Variants in ZRANB3 observed in about 807,000 individuals in gnomAD.
The protein encoded by ZRANB3 is DNA annealing helicase and endonuclease ZRANB3.
In ZRANB3, 125 loss-of-function variants were observed where a neutral mutation model predicts 133.8. That is an observed-to-expected ratio of 0.93 (90% confidence interval 0.81 to 1.08). ZRANB3 has a LOEUF of 1.08. Among genes scored for constraint, ZRANB3 ranks in the 50% least tolerant of loss-of-function variants. The probability of loss-of-function intolerance (pLI) is 0.00; values close to 1 mark genes in which losing one functional copy is unlikely to be tolerated. For synonymous variants in ZRANB3, 387 were observed against 432.7 expected, an observed-to-expected ratio of 0.89 and a Z score of 1.31; for missense variants, 1,229 against 1,275.5, an observed-to-expected ratio of 0.96 and a Z score of 0.56.
At chr2:135,440,491 G>A (rs1019656732) in intron 2 of ZRANB3, among the ~76,000 whole-genome samples, 1 of 152,142 alleles carries the variant, frequency 6.6e-6, no homozygotes, top group Non-Finnish European at 1.5e-5. Flanking sequence ...TGTGCAAGAA[G>A]GATGCTATAT....
chr2:135,358,396 T>C (rs949186121), intron 3 of ZRANB3, among the ~76,000 whole-genome samples: 3 of 152,224 alleles, frequency 2.0e-5, no homozygotes, highest in Non-Finnish European at 2.9e-5. Flanking sequence ...GTTTGACTTA[T>C]GTTGCTTAAG....
At chr2:135,445,160 T>C (rs997247495) in intron 2 of ZRANB3, among the ~76,000 whole-genome samples, 18 of 152,144 alleles carry the variant, frequency 1.2e-4, no homozygotes, top group Admixed American at 7.2e-4. Flanking sequence ...AAGGGAAAAA[T>C]AGGCCGGGCA....
chr2:135,444,690 A>G (rs911802691), intron 2 of ZRANB3, among the ~76,000 whole-genome samples: 1 of 152,242 alleles, frequency 6.6e-6, no homozygotes, highest in African/African-American at 2.4e-5. Context: ...ACAAAGAGGC[A>G]CAAACTTTTT....
rs1423287618 is a variant in ZRANB3, at chr2:135,489,228, T to C, written c.161+15101A>G. Among the ~76,000 whole-genome samples, 3 of 143,984 alleles carry C rather than the reference T, an allele frequency of 2.1e-5. No individual in the cohort carries two copies. The East Asian group carries it at 6.2e-4, about 30-fold the overall frequency. 94.5% of individuals were successfully genotyped at this position (143,984 alleles called of 152,430 possible). ...GAAGCAGATGAAAATTATAGTCAAA[T>C]ATGTTCTCACTCATAGGTGGGAACT... On this transcript the variant is annotated intron_variant, in intron 2 of 20. Coordinates refer to ENST00000264159, the MANE Select transcript of ZRANB3 (RefSeq NM_032143.4).
chr2:135,381,911 C>A (rs975765527), intron 3 of ZRANB3, among the ~76,000 whole-genome samples: 17 of 152,228 alleles, frequency 1.1e-4, no homozygotes, highest in African/African-American at 3.4e-4. Context: ...AGCAGAAAAA[C>A]TGAAAATTCT....
At chr2:135,348,676 C>G (rs1558934807) in intron 5 of ZRANB3, among the ~76,000 whole-genome samples, 1 of 152,106 alleles carries the variant, frequency 6.6e-6, no homozygotes, top group Non-Finnish European at 1.5e-5. Flanking sequence ...CTCACTGCAA[C>G]CTCTGCCTCC....
Position 135,275,741 on chromosome 2 carries a change from CT to C in ZRANB3, c.980del (p.Lys327ArgfsTer6). ...TCTGAAGCATCATCTTAATATAATCCTTTACAGCACCTGCCTAAATATTAAA... is the reference window on the plus strand; with the variant it reads ...TCTGAAGCATCATCTTAATATAATCCTTACAGCACCTGCCTAAATATTAAA... The part of the protein sequence containing the change: ...QTAIAKAGAV[K>X]DYIKMMLQND... On this transcript the variant is annotated frameshift_variant, in exon 9 of 21. Transcript: ENST00000264159. LOFTEE classifies it high-confidence loss of function. 1 of 1,575,556 alleles carries C rather than the reference CT, an allele frequency of 6.3e-7. No homozygotes were observed. Among genetic ancestry groups the C allele is most frequent in the Non-Finnish European group, 8.6e-7 (1 of 1,160,926 alleles).
At chr2:135,484,419 C>G (rs1691997305) in intron 2 of ZRANB3, among the ~76,000 whole-genome samples, 1 of 152,032 alleles carries the variant, frequency 6.6e-6, no homozygotes, top group East Asian at 1.9e-4. Flanking sequence ...CAACTGTATA[C>G]TATAAATTTC....
intron 6 of ZRANB3, among the ~76,000 whole-genome samples, chr2:135,333,873 CT>C: frequency 6.6e-6 from 1 of 152,296 alleles, no homozygotes; most frequent in Non-Finnish European, 1.5e-5. Context: ...ATCTACTGAA[CT>C]GTACATTTAA....
intron 19 of ZRANB3, among the ~76,000 whole-genome samples, chr2:135,204,754 AT>A (rs1300349681): frequency 6.9e-6 from 1 of 144,592 alleles, no homozygotes; most frequent in East Asian, 2.0e-4. Flanking sequence ...TATATTATAT[AT>A]TTATATATAT....
At chr2:135,351,265 CT>C (rs34205567) in intron 4 of ZRANB3, among the ~76,000 whole-genome samples, 13,593 of 119,624 alleles carry the variant, frequency 0.11, 678 homozygotes, top group African/African-American at 0.27. Flanking sequence ...CTATAATTTT[CT>C]TTTTTTTTTT....
At chr2:135,357,027 C>T (rs1306907061) in intron 3 of ZRANB3, among the ~76,000 whole-genome samples, 2 of 152,094 alleles carry the variant, frequency 1.3e-5, no homozygotes, top group Non-Finnish European at 2.9e-5. Flanking sequence ...CAATCTATTA[C>T]ATTCTTTTTA....
At chr2:135,282,575 AT>A (rs1681146970) in intron 8 of ZRANB3, among the ~76,000 whole-genome samples, 1 of 152,198 alleles carries the variant, frequency 6.6e-6, no homozygotes, top group Non-Finnish European at 1.5e-5. Flanking sequence ...TTATTTTCTT[AT>A]CTCAAGGAGT....
intron 12 of ZRANB3, among the ~76,000 whole-genome samples, chr2:135,251,104 T>C (rs1679370190): frequency 6.6e-6 from 1 of 152,250 alleles, no homozygotes; most frequent in Non-Finnish European, 1.5e-5. Flanking sequence ...CAGTGTTACC[T>C]GGATGTAAGA....
intron 2 of ZRANB3, among the ~76,000 whole-genome samples, chr2:135,456,482 A>G (rs1267426699): frequency 6.6e-6 from 1 of 152,230 alleles, no homozygotes; most frequent in Non-Finnish European, 1.5e-5. Context: ...TTTGGTGAAC[A>G]GCTAACAGTG....
intron 2 of ZRANB3, among the ~76,000 whole-genome samples, chr2:135,438,217 T>C (rs1053703176): frequency 6.6e-6 from 1 of 152,162 alleles, no homozygotes; most frequent in Admixed American, 6.5e-5. Context: ...CTGGAAACCC[T>C]GACTAACATG....
intron 12 of ZRANB3, among the ~76,000 whole-genome samples, chr2:135,254,518 C>A (rs1402863898): frequency 6.6e-6 from 1 of 151,800 alleles, no homozygotes. Context: ...GAGGCTGAGG[C>A]GGGAGAATCA....
intron 8 of ZRANB3, among the ~76,000 whole-genome samples, chr2:135,293,973 T>G (rs1452270762): frequency 6.6e-6 from 1 of 152,032 alleles, no homozygotes; most frequent in African/African-American, 2.4e-5. Context: ...ATAAGCTTTT[T>G]GATGTGCTGC....
chr2:135,395,384 AACT>A (rs1687442098), intron 2 of ZRANB3, among the ~76,000 whole-genome samples: 1 of 152,098 alleles, frequency 6.6e-6, no homozygotes, highest in Non-Finnish European at 1.5e-5. Flanking sequence ...CAAATCATGA[AACT>A]ACTACAAGGA....
Sources: allele counts gnomAD v4.1 joint callset (sites outside exome capture counted in the v4.1 genomes callset), GRCh38; gene constraint gnomAD v4.1.1; transcripts MANE v1.5; gene names NCBI Gene and HGNC (gene_info 2026-07-23, HGNC 2026-07-21).